The following TMEM18 variants were observed in gnomAD, a reference collection of about 807,000 sequenced individuals.
TMEM18 encodes transmembrane protein 18.
A neutral mutation model predicts 17.4 loss-of-function variants in TMEM18; 14 were observed. The observed-to-expected ratio is 0.80, with a 90% CI of 0.53 to 1.25. The LOEUF is 1.25. Ranked by LOEUF, TMEM18 falls within the 50% of genes most tolerant of loss-of-function variation. The pLI is 0.00. For synonymous variants in TMEM18, 86 were observed against 66.1 expected (o/e 1.30, Z -1.46); for missense variants, 187 against 172.1 (o/e 1.09, Z -0.48).
At chr2:674,392 T>A (rs1572413010) in intron 2 of TMEM18, among the ~76,000 whole-genome samples, 1 of 152,196 alleles carries the variant, frequency 6.6e-6, no homozygotes, top group Admixed American at 6.5e-5. Flanking sequence ...TGCCCCTGGG[T>A]TCCCAGGGGA....
chr2:673,762 G>T (rs78604855), intron 2 of TMEM18, among the ~76,000 whole-genome samples: 1 of 144,646 alleles, frequency 6.9e-6, no homozygotes, highest in South Asian at 2.5e-4. Flanking sequence ...GGGGGAGGAT[G>T]GGGGGGAAGG....
Position 677,376 on chromosome 2 carries a change from G to T in TMEM18, c.-31C>A. The T allele has an allele frequency of 6.2e-7, 1 of 1,606,232 alleles. No individual in the cohort carries two copies. The highest frequency in any genetic ancestry group is 8.5e-7 in the Non-Finnish European group (1 of 1,177,722). ...TGGGAAGCCCGCTCTCACAGCAACC[G>T]CCGAACCCGGCCTGGCCAGAATCCA... On this transcript the variant is annotated 5_prime_UTR_variant, in exon 1 of 5. Transcript: ENST00000281017.
At chr2:671,929 G>A (rs1678859050) in intron 3 of TMEM18, among the ~76,000 whole-genome samples, 1 of 152,196 alleles carries the variant, frequency 6.6e-6, no homozygotes, top group Non-Finnish European at 1.5e-5. Context: ...GGAGGAGGGA[G>A]GGCAGAGACA....
intron 3 of TMEM18, among the ~76,000 whole-genome samples, chr2:671,408 C>CCCAG (rs1264642735): frequency 7.0e-6 from 1 of 143,736 alleles, no homozygotes; most frequent in African/African-American, 2.7e-5. Flanking sequence ...AGGCAGGGTC[C>CCCAG]TCCTGGGACT....
rs1378180519 is a variant in TMEM18, at chr2:676,276, A to T, written c.58-646T>A. 2.7e-6 allele frequency: 4 copies of T among 1,462,870 alleles called. No homozygotes were observed. The African/African-American group carries it at 5.6e-5, about 21-fold the overall frequency. 90.6% of individuals were successfully genotyped at this position (1,462,870 alleles called of 1,614,324 possible). A position where few individuals can be genotyped will look rare whatever the true frequency, so the allele number is the denominator to read the frequency against. On this transcript the variant is annotated intron_variant, in intron 1 of 4. Coordinates refer to ENST00000281017, the MANE Select transcript of TMEM18 (RefSeq NM_152834.4). ...TCTGGCTCAGGGACCTGAAGTAGCC[A>T]GGCTCAGATCCACTGCTGCTCAGTC...
At chr2:676,017 G>A (rs536450389) in intron 1 of TMEM18, 1 of 1,307,622 alleles carries the variant, frequency 7.6e-7, no homozygotes, top group Non-Finnish European at 1.0e-6. Context: ...GTGACGACAA[G>A]GAAATTAAGA....
intron 1 of TMEM18, 124 bp downstream of exon 1, chr2:677,165 T>TCCGCCACAAGGCC: frequency 3.1e-6 from 4 of 1,294,256 alleles, no homozygotes; most frequent in East Asian, 5.0e-5. Context: ...GCGCGCGCGC[T>TCCGCCACAAGGCC]CCGCCACAAG....
At chr2:677,210 G>A (rs1430652228) in intron 1 of TMEM18, 79 bp downstream of exon 1, 5 of 1,526,716 alleles carry the variant, frequency 3.3e-6, no homozygotes, top group African/African-American at 2.7e-5. Context: ...TTGGCCACAG[G>A]CCGGGTGCTC....
rs2103089969 is a variant in TMEM18 at position 669,723 on chromosome 2, T to A, written c.327+34A>T. ...TGTTTAGATTTGAAAAACATACACA[T>A]GAAGAAAGACAACTGAAAGTGTCAT... is the stretch of plus-strand genomic sequence containing the variant. On this transcript the variant is annotated intron_variant, in intron 4 of 4. Transcript: ENST00000281017. 1.9e-6 allele frequency: 3 copies of A among 1,613,886 alleles called. No homozygotes were observed. In the East Asian group the frequency reaches 6.7e-5, roughly 36 times the overall value.
At chr2:671,378 G>T (rs1678846447) in intron 3 of TMEM18, among the ~76,000 whole-genome samples, 1 of 151,844 alleles carries the variant, frequency 6.6e-6, no homozygotes, top group Admixed American at 6.6e-5. Context: ...ACCATGTGAA[G>T]GCCCTGCATC....
rs931121785 is a variant in TMEM18, at chr2:666,421, A to C, written c.*3159T>G. ...ACTATAATAGCTACACCTTCCCCCA[A>C]AGCGAGGAAAGATCTAACTGTACAG... On this transcript the variant is annotated 3_prime_UTR_variant, in exon 5 of 5. Transcript: ENST00000281017. Among the ~76,000 whole-genome samples, 16 of 152,116 alleles carry C rather than the reference A, an allele frequency of 1.1e-4. No homozygotes were observed. The highest frequency in any genetic ancestry group is 4.4e-5 in the Non-Finnish European group (3 of 67,994).
chr2:664,915 A>G lies in TMEM18; in HGVS notation c.*4665T>C, dbSNP rs1678638786. 6.6e-6 allele frequency among the ~76,000 whole-genome samples: 1 copy of G among 152,226 alleles called. No homozygotes were observed. Among genetic ancestry groups the G allele is most frequent in the Non-Finnish European group, 1.5e-5 (1 of 68,028 alleles). ...CCTACAATGTGTTTACTATGCAGGC[A>G]TTGAAAATAATGTTATATAGTGAAA... On this transcript the variant is annotated 3_prime_UTR_variant, in exon 5 of 5. Transcript: ENST00000281017.
intron 1 of TMEM18, chr2:676,026 G>C (rs910363827): frequency 7.6e-7 from 1 of 1,309,956 alleles, no homozygotes; most frequent in Non-Finnish European, 1.0e-6. Flanking sequence ...AGGAAATTAA[G>C]ACGATTGCTC....
At chr2:670,031 A>G in intron 3 of TMEM18, 181 bp from the exon 4 acceptor site, 1 of 581,606 alleles carries the variant, frequency 1.7e-6, no homozygotes. Context: ...AATGCAATGA[A>G]TGCTCATTAT....
Position 666,113 on chromosome 2 carries a change from A to G in TMEM18, c.*3467T>C, listed in dbSNP as rs1678682324. Among the ~76,000 whole-genome samples, 2 of 152,186 alleles carry G rather than the reference A, an allele frequency of 1.3e-5. No individual in the cohort carries two copies. ...CCCAGCTCACTCAGATGAAGCATCA[A>G]CCCCATGCACAACAGGGCCCATGGA... On this transcript the variant is annotated 3_prime_UTR_variant, in exon 5 of 5. Coordinates refer to ENST00000281017, the MANE Select transcript of TMEM18 (RefSeq NM_152834.4).
intron 1 of TMEM18, 134 bp downstream of exon 1, chr2:677,155 G>T: frequency 8.7e-7 from 1 of 1,155,842 alleles, no homozygotes; most frequent in Non-Finnish European, 1.2e-6. Flanking sequence ...ACCCTGCCCA[G>T]CGCGCGCGCT....
Position 669,485 on chromosome 2 carries a change from G to T in TMEM18, c.*95C>A. 1 of 1,250,154 alleles carries T rather than the reference G, an allele frequency of 8.0e-7. No individual in the cohort carries two copies. The allele number at this position is 1,250,154 out of a possible 1,614,324, so 77.4% of individuals were successfully genotyped here. A position where few individuals can be genotyped will look rare whatever the true frequency, so the allele number is the denominator to read the frequency against. ...AAAACAACGGTTTTTCAAACCATGA[G>T]TCAGCTGGAAGGATGCCCACGCCAC... On this transcript the variant is annotated 3_prime_UTR_variant, in exon 5 of 5. Transcript: ENST00000281017.
At chr2:670,019 C>T (rs897867846) in intron 3 of TMEM18, 169 bp from the exon 4 acceptor site, 2 of 597,318 alleles carry the variant, frequency 3.3e-6, no homozygotes, top group Non-Finnish European at 5.9e-6. Flanking sequence ...TGTACTGTCC[C>T]AAATGCAATG....
intron 1 of TMEM18, 98 bp downstream of exon 1, chr2:677,191 G>A: frequency 8.9e-6 from 13 of 1,461,648 alleles, no homozygotes; most frequent in Non-Finnish European, 1.1e-5. Flanking sequence ...GCCCACGGCC[G>A]GGGCCTTCTT....
Sources: allele counts gnomAD v4.1 joint callset (sites outside exome capture counted in the v4.1 genomes callset), GRCh38; gene constraint gnomAD v4.1.1; transcripts MANE v1.5; gene names NCBI Gene and HGNC (gene_info 2026-07-23, HGNC 2026-07-21).